UNC13B: variants seen among roughly 807,000 people sequenced by gnomAD.
The protein encoded by UNC13B is unc-13 homolog B.
Under a neutral mutation model 211.0 loss-of-function variants are expected in UNC13B, and 144 were observed. The ratio of observed to expected loss-of-function variants is 0.68; its 90% confidence interval spans 0.60 to 0.78. The LOEUF is 0.78. Among genes scored for constraint, UNC13B ranks in the 30% least tolerant of loss-of-function variants. The pLI is 0.00. For missense variants in UNC13B, 1,777 were observed against 2,002.0 expected (o/e 0.89, Z 2.14); for synonymous variants, 709 against 725.8 (o/e 0.98, Z 0.37).
chr9:35,399,375 A>T lies in UNC13B; in HGVS notation c.12199-17A>T. The T allele has an allele frequency of 6.2e-7, 1 of 1,613,874 alleles. No homozygotes were observed. The highest frequency in any genetic ancestry group is 8.5e-7 in the Non-Finnish European group (1 of 1,179,980). On this transcript the variant is annotated splice_polypyrimidine_tract_variant and intron_variant, in intron 34 of 39. Transcript: ENST00000635942. Reference sequence around the variant, plus strand: ...AGTTGGGGTCCTCTGCTTTTGACTGATTCCCTCTCTGCCCAGGGCACCCAG... The same window carrying T: ...AGTTGGGGTCCTCTGCTTTTGACTGTTTCCCTCTCTGCCCAGGGCACCCAG...
At chr9:35,227,963 G>C (rs989586157) in intron 1 of UNC13B, 52 bp from the exon 2 acceptor site, 39 of 1,556,778 alleles carry the variant, frequency 2.5e-5, no homozygotes, top group Admixed American at 1.7e-4. Context: ...TGTTGCTTAA[G>C]TAAAATGAAC....
chr9:35,333,494 A>G (rs960706063), intron 11 of UNC13B, among the ~76,000 whole-genome samples: 1 of 152,198 alleles, frequency 6.6e-6, no homozygotes, highest in African/African-American at 2.4e-5. Context: ...AGAGCAGGGC[A>G]TGGTGTGTTG....
At chr9:35,199,001 C>A (rs1823107671) in intron 1 of UNC13B, among the ~76,000 whole-genome samples, 1 of 152,132 alleles carries the variant, frequency 6.6e-6, no homozygotes, top group African/African-American at 2.4e-5. Flanking sequence ...CTAATGCTAT[C>A]CCTCCCCGCT....
At chr9:35,375,495 A>C (rs533704265) in intron 14 of UNC13B, among the ~76,000 whole-genome samples, 64 of 152,192 alleles carry the variant, frequency 4.2e-4, no homozygotes, top group Non-Finnish European at 7.5e-4. Flanking sequence ...TGCTGGAACA[A>C]GGCTCGGATC....
chr9:35,381,132 G>T lies in UNC13B; in HGVS notation c.10408G>T (p.Ala3470Ser), dbSNP rs1834803786. Reference protein sequence around the residue: ...KRTDKSAVSGAIRLQISVEIK... With the variant: ...KRTDKSAVSGSIRLQISVEIK... ...GACAGACAAATCAGCCGTCTCAGGGGCTATCCGACTACAAATCAGTGTGGA... is the reference window on the plus strand; with the variant it reads ...GACAGACAAATCAGCCGTCTCAGGGTCTATCCGACTACAAATCAGTGTGGA... Residue 3470 changes from alanine (A) to serine (S), a missense_variant, in exon 19 of 40, where the codon GCT becomes TCT. Transcript: ENST00000635942. The T allele has an allele frequency of 1.2e-5, 20 of 1,614,014 alleles. No homozygotes were observed. The highest frequency in any genetic ancestry group is 1.6e-5 in the Non-Finnish European group (19 of 1,180,034).
intron 1 of UNC13B, among the ~76,000 whole-genome samples, chr9:35,205,398 A>G (rs1264566804): frequency 1.3e-5 from 2 of 152,212 alleles, no homozygotes; most frequent in Non-Finnish European, 1.5e-5. Flanking sequence ...TTTGCATACC[A>G]TGCAATTCAT....
chr9:35,166,005 AATTCCCAGTGTTTATAACATAGTT>A (rs1240646827), intron 1 of UNC13B, among the ~76,000 whole-genome samples: 2 of 152,154 alleles, frequency 1.3e-5, no homozygotes, highest in Non-Finnish European at 2.9e-5. Flanking sequence ...ATTTCTCTGT[AATTCCCAGTGTTTATAACATAGTT>A]ATTCCCAGTG....
intron 7 of UNC13B, among the ~76,000 whole-genome samples, chr9:35,295,284 A>G (rs540141076): frequency 6.6e-6 from 1 of 152,256 alleles, no homozygotes; most frequent in African/African-American, 2.4e-5. Flanking sequence ...TTTTTTCCCC[A>G]AGATATGAAA....
intron 11 of UNC13B, among the ~76,000 whole-genome samples, chr9:35,347,211 T>C (rs1360425582): frequency 6.6e-6 from 1 of 152,230 alleles, no homozygotes; most frequent in Non-Finnish European, 1.5e-5. Context: ...CTTTTTATTA[T>C]AACTTTTATT....
rs1224860536 is a variant in UNC13B, at chr9:35,305,401, T to A, written c.5997T>A (p.Thr1999=). Residue 1999 remains threonine, a synonymous_variant, in exon 9 of 40, where the codon ACT becomes ACA. Transcript: ENST00000635942. The part of the protein sequence containing the change: ...FKANVSPIQT[T]ENTSVSSMTI... ...CCAATGTATCTCCTATACAGACAAC[T>A]GAAAATACGTCTGTTTCTTCAATGA... is the stretch of plus-strand genomic sequence containing the variant. 4 of 398,868 alleles carry A rather than the reference T, an allele frequency of 1.0e-5. No homozygotes were observed. The Admixed American group carries it at 1.8e-4, about 18-fold the overall frequency. 24.7% of individuals were successfully genotyped at this position (398,868 alleles called of 1,614,324 possible).
intron 1 of UNC13B, among the ~76,000 whole-genome samples, chr9:35,201,602 G>C (rs1207062868): frequency 6.6e-6 from 1 of 152,144 alleles, no homozygotes; most frequent in Admixed American, 6.5e-5. Context: ...TTTTCCTCTA[G>C]ATTTTCTAGT....
chr9:35,385,681 A>C (rs774769089), intron 22 of UNC13B, 43 bp from the exon 23 acceptor site: 2 of 1,549,618 alleles, frequency 1.3e-6, no homozygotes, highest in South Asian at 1.2e-5. Flanking sequence ...GAAGGTTTTC[A>C]TAGTCCTCTG....
intron 1 of UNC13B, among the ~76,000 whole-genome samples, chr9:35,226,977 A>C (rs1237333762): frequency 6.6e-6 from 1 of 152,198 alleles, no homozygotes. Flanking sequence ...TTATTGACCA[A>C]TTAGTAATTG....
intron 2 of UNC13B, among the ~76,000 whole-genome samples, chr9:35,229,787 A>T (rs1374625866): frequency 6.6e-6 from 1 of 152,240 alleles, no homozygotes; most frequent in Non-Finnish European, 1.5e-5. Context: ...GTTGATAAGT[A>T]TAAAACCACA....
chr9:35,262,447 G>T (rs1266419671), intron 7 of UNC13B, among the ~76,000 whole-genome samples: 1 of 151,948 alleles, frequency 6.6e-6, no homozygotes, highest in African/African-American at 2.4e-5. Context: ...CTCCTGAGTA[G>T]CTAGAACTAC....
intron 7 of UNC13B, among the ~76,000 whole-genome samples, chr9:35,287,138 CTTTT>C (rs35553171): frequency 2.1e-5 from 3 of 142,586 alleles, no homozygotes; most frequent in Non-Finnish European, 4.6e-5. Context: ...TTCTTTCTTT[CTTTT>C]TTTTTTTTGA....
chr9:35,349,941 A>C (rs961163144), intron 11 of UNC13B, among the ~76,000 whole-genome samples: 5 of 152,144 alleles, frequency 3.3e-5, no homozygotes, highest in African/African-American at 9.7e-5. Flanking sequence ...GAGTACTGGG[A>C]AAATAAAAGG....
intron 11 of UNC13B, among the ~76,000 whole-genome samples, chr9:35,329,019 C>T (rs567550515): frequency 3.0e-4 from 45 of 152,170 alleles, no homozygotes; most frequent in Admixed American, 5.2e-4. Context: ...GATCCGCCCA[C>T]CTCGGCCTCC....
intron 33 of UNC13B, 56 bp downstream of exon 33, chr9:35,399,090 G>T: frequency 6.2e-7 from 1 of 1,613,770 alleles, no homozygotes; most frequent in South Asian, 1.1e-5. Flanking sequence ...ATGCTATCGG[G>T]CAAGGGAGCC....
Sources: gnomAD v4.1 joint callset for allele counts (sites outside exome capture counted in the v4.1 genomes callset) on GRCh38, gnomAD v4.1.1 for gene constraint, MANE v1.5 for transcripts, NCBI Gene and HGNC (gene_info 2026-07-23, HGNC 2026-07-21) for gene names.